The following ZFYVE26 variants were observed in gnomAD, a reference collection of about 807,000 sequenced individuals.
ZFYVE26 encodes zinc finger FYVE-type containing 26, also known as zinc finger FYVE domain-containing protein 26.
In ZFYVE26, 181 loss-of-function variants were observed where a neutral mutation model predicts 276.5. That is an observed-to-expected ratio of 0.65 (90% CI 0.58 to 0.74). The LOEUF is 0.74. Ranked by LOEUF, ZFYVE26 falls within the 30% of genes least tolerant of loss-of-function variation. The pLI, the probability that ZFYVE26 is intolerant of heterozygous loss-of-function variation, is 0.00. For missense variants in ZFYVE26, 2,821 were observed against 3,097.9 expected (o/e 0.91, Z 2.12); for synonymous variants, 1,129 against 1,203.1 (o/e 0.94, Z 1.27).
At chr14:67,742,838 CTTTTTTT>C (rs71446342), downstream of ZFYVE26, among the ~76,000 whole-genome samples, 9 of 89,756 alleles carry the variant, frequency 1.0e-4, no homozygotes, top group South Asian at 1.0e-3. Context: ...TCTTCTTCTT[CTTTTTTT>C]TTTTTTTTTT....
intron 26 of ZFYVE26, 95 bp downstream of exon 26, chr14:67,775,765 C>T: frequency 6.3e-7 from 1 of 1,591,824 alleles, no homozygotes; most frequent in South Asian, 1.1e-5. Flanking sequence ...TCTAGATCAA[C>T]CCAAAATATT....
intron 14 of ZFYVE26, 53 bp downstream of exon 14, chr14:67,793,555 C>T (rs2039875388): frequency 6.3e-7 from 1 of 1,595,146 alleles, no homozygotes; most frequent in Non-Finnish European, 8.5e-7. Context: ...ATGCTCCGAG[C>T]CTTACCTGAT....
intron 13 of ZFYVE26, among the ~76,000 whole-genome samples, chr14:67,737,716 T>G (rs17782775): frequency 6.6e-6 from 1 of 151,708 alleles, no homozygotes; most frequent in Non-Finnish European, 1.5e-5. Flanking sequence ...CACAAAAGAG[T>G]AGTACCCATA....
chr14:67,757,959 C>T (rs1330547973), intron 35 of ZFYVE26, among the ~76,000 whole-genome samples: 3 of 152,324 alleles, frequency 2.0e-5, no homozygotes, highest in Non-Finnish European at 2.9e-5. Context: ...AAGTGATCCA[C>T]CCACCTCAGC....
intron 16 of ZFYVE26, among the ~76,000 whole-genome samples, chr14:67,786,604 G>C (rs529013451): frequency 1.0e-3 from 155 of 152,308 alleles, no homozygotes; most frequent in African/African-American, 3.6e-3. Context: ...ACTCCAACTA[G>C]ACTATGAACA....
intron 24 of ZFYVE26, 104 bp from the exon 25 acceptor site, chr14:67,777,839 T>C: frequency 4.2e-6 from 6 of 1,441,870 alleles, no homozygotes; most frequent in Non-Finnish European, 5.8e-6. Flanking sequence ...CATTTTGGAC[T>C]AACCCTTTCT....
intron 18 of ZFYVE26, 41 bp from the exon 19 acceptor site, chr14:67,785,318 C>A (rs556751003): frequency 6.5e-7 from 1 of 1,539,808 alleles, no homozygotes; most frequent in South Asian, 1.2e-5. Flanking sequence ...AGGCTTCAGT[C>A]TGTGAGTCCA....
chr14:67,809,425 T>TTA, intron 3 of ZFYVE26, 136 bp from the exon 4 acceptor site: 1 of 579,264 alleles, frequency 1.7e-6, no homozygotes. Flanking sequence ...TTTTTTTTTT[T>TTA]TTTTTTTTTT....
chr14:67,808,013 T>A (rs1272862877), intron 4 of ZFYVE26, 93 bp from the exon 5 acceptor site: 2 of 1,443,574 alleles, frequency 1.4e-6, no homozygotes, highest in Non-Finnish European at 1.9e-6. Flanking sequence ...TCAGTTTACT[T>A]ATATAATAGT....
At chr14:67,815,080 C>T (rs146556795) in intron 2 of ZFYVE26, among the ~76,000 whole-genome samples, 1 of 152,288 alleles carries the variant, frequency 6.6e-6, no homozygotes, top group Admixed American at 6.5e-5. Context: ...AAAGAGGTAG[C>T]ACCAAGGAGT....
At chr14:67,764,715 C>A (rs1192031239) in intron 32 of ZFYVE26, among the ~76,000 whole-genome samples, 1 of 152,160 alleles carries the variant, frequency 6.6e-6, no homozygotes, top group Non-Finnish European at 1.5e-5. Context: ...TGTCTGAATG[C>A]AGGATCAGAG....
At position 67,748,790 on chromosome 14, in the gene ZFYVE26, C is replaced by G. The variant is rs72723173; in HGVS notation, c.7417-151G>C. The G allele has an allele frequency of 8.0e-3, 6,496 of 811,198 alleles. 38 individuals are homozygous for G. The highest frequency in any genetic ancestry group is 0.011 in the Non-Finnish European group (5,066 of 479,800). The allele number at this position is 811,198 out of a possible 1,614,324, so 50.3% of individuals were successfully genotyped here. Reference sequence around the variant, plus strand: ...CATGTATTTTATGGTATTATAACAACTCTTTCAATATTCTGGACATATGCT... The same window carrying G: ...CATGTATTTTATGGTATTATAACAAGTCTTTCAATATTCTGGACATATGCT... On this transcript the variant is annotated intron_variant, in intron 41 of 41. Transcript: ENST00000347230.
rs200072658 is a variant in ZFYVE26, at chr14:67,776,141, T to C, written c.4975-35A>G. 303 of 1,612,996 alleles carry C rather than the reference T, an allele frequency of 1.9e-4. 2 individuals are homozygous for C. The highest frequency in any genetic ancestry group is 1.0e-3 in the Middle Eastern group (6 of 6,000). On this transcript the variant is annotated intron_variant, in intron 25 of 41. Coordinates refer to ENST00000347230, the MANE Select transcript of ZFYVE26 (RefSeq NM_015346.4). ...GGGTAGATCCATAGAGTAAAGAAAA[T>C]AGTACACAAATTTCAGAAAAAACTC...
chr14:67,760,838 G>C (rs532012560), intron 35 of ZFYVE26: 1 of 190,220 alleles, frequency 5.3e-6, no homozygotes, highest in African/African-American at 2.3e-5. Flanking sequence ...CAGTGGGAGG[G>C]GGGCAGAGGA....
At chr14:67,785,726 C>T (rs1322383042) in intron 18 of ZFYVE26, 132 bp downstream of exon 18, 4 of 1,232,802 alleles carry the variant, frequency 3.2e-6, no homozygotes, top group East Asian at 4.6e-5. Context: ...TGAGACATGC[C>T]CTGGCTAACT....
chr14:67,797,866 A>G (rs544703672), intron 11 of ZFYVE26, 111 bp from the exon 12 acceptor site: 3 of 1,571,838 alleles, frequency 1.9e-6, no homozygotes, highest in Admixed American at 3.3e-5. Context: ...GACATGGAGC[A>G]TACCCCAGTG....
At chr14:67,735,298 A>G (rs1315404977) in intron 13 of ZFYVE26, 2 of 857,092 alleles carry the variant, frequency 2.3e-6, no homozygotes, top group African/African-American at 3.3e-5. Context: ...GCTACATCTC[A>G]CCTCTCTGTA....
chr14:67,772,302 AC>A, intron 27 of ZFYVE26, 92 bp from the exon 28 acceptor site: 1 of 1,396,002 alleles, frequency 7.2e-7, no homozygotes, highest in Non-Finnish European at 9.9e-7. Context: ...CATTTTACAA[AC>A]CGTTATTGAA....
chr14:67,780,068 T>C (rs2140218518), intron 23 of ZFYVE26, among the ~76,000 whole-genome samples, 173 bp downstream of exon 23: 1 of 152,248 alleles, frequency 6.6e-6, no homozygotes, highest in African/African-American at 2.4e-5. Context: ...AGACGGGGTT[T>C]CACCGTGGTC....
Sources: gnomAD v4.1 joint callset for allele counts (sites outside exome capture counted in the v4.1 genomes callset) on GRCh38, gnomAD v4.1.1 for gene constraint, MANE v1.5 for transcripts, NCBI Gene and HGNC (gene_info 2026-07-23, HGNC 2026-07-21) for gene names.